The following EFHC1 variants were observed in gnomAD, a reference collection of about 807,000 sequenced individuals.
The protein encoded by EFHC1 is EF-hand domain-containing protein 1.
In EFHC1, 53 loss-of-function variants were observed where a neutral mutation model predicts 69.9. The observed-to-expected ratio is 0.76, with a 90% CI of 0.61 to 0.95. EFHC1 has a LOEUF of 0.95. Among genes scored for constraint, EFHC1 ranks in the 40% least tolerant of loss-of-function variants. The pLI is 0.00. For missense variants in EFHC1, 739 were observed against 798.7 expected (o/e 0.93, Z 0.90); for synonymous variants, 256 against 278.4 (o/e 0.92, Z 0.80).
intron 8 of EFHC1, 150 bp downstream of exon 8, chr6:52,479,400 A>C (rs1402305364): frequency 9.5e-7 from 1 of 1,055,244 alleles, no homozygotes; most frequent in African/African-American, 1.6e-5. Flanking sequence ...TAATGTGTTA[A>C]TCGCCTTCCT....
chr6:52,450,378 G>T (rs897808942), intron 3 of EFHC1, among the ~76,000 whole-genome samples: 3 of 152,182 alleles, frequency 2.0e-5, no homozygotes, highest in African/African-American at 4.8e-5. Context: ...CTGCCTCAAT[G>T]ATCTGTTTAA....
In EFHC1 at chr6:52,495,791, C is replaced by T. The variant is rs1178711585; in HGVS notation, c.*3450C>T. On this transcript the variant is annotated 3_prime_UTR_variant, in exon 11 of 11. Transcript: ENST00000371068. The stretch of plus-strand genomic sequence containing the variant: ...TGTCCACATACACTCCTTAAGTTTG[C>T]TGTCCACTTCTTGCCTTGCATCTCC... 8 of 354,978 alleles carry T rather than the reference C, an allele frequency of 2.3e-5. No homozygotes were observed. In the East Asian group the frequency reaches 5.9e-4, roughly 26 times the overall value. The allele number at this position is 354,978 out of a possible 1,614,324, so 22.0% of individuals were successfully genotyped here. A position where few individuals can be genotyped will look rare whatever the true frequency, so the allele number is the denominator to read the frequency against.
intron 6 of EFHC1, among the ~76,000 whole-genome samples, chr6:52,465,756 G>A (rs895401066): frequency 5.3e-5 from 8 of 150,768 alleles, no homozygotes; most frequent in African/African-American, 9.7e-5. Context: ...GCAGTGAGCC[G>A]AGATCATGCC....
intron 3 of EFHC1, among the ~76,000 whole-genome samples, chr6:52,442,969 CT>C (rs1308898501): frequency 1.3e-5 from 2 of 152,156 alleles, no homozygotes; most frequent in African/African-American, 4.8e-5. Flanking sequence ...TGTTTCCTGA[CT>C]TTTTAATGAT....
intron 9 of EFHC1, chr6:52,482,671 C>G: frequency 2.5e-6 from 1 of 395,690 alleles, no homozygotes; most frequent in Non-Finnish European, 4.4e-6. Context: ...CTTAGACTTC[C>G]TTTAATGAGA....
chr6:52,422,798 A>G (rs576197813), intron 1 of EFHC1, among the ~76,000 whole-genome samples: 1 of 152,340 alleles, frequency 6.6e-6, no homozygotes, highest in South Asian at 2.1e-4. Context: ...TTAGAAATGT[A>G]TAATACAGAG....
In EFHC1 at chr6:52,431,397, G is replaced by T. The variant is rs539095174; in HGVS notation, c.286-6907G>T. On this transcript the variant is annotated intron_variant, in intron 2 of 10. Transcript: ENST00000371068. ...TGTATCCCAGAGGCTTTGATAGGTT[G>T]TGTCATTATTGTCATTCAGTTCGAA... Among the ~76,000 whole-genome samples the T allele has an allele frequency of 1.7e-4, 26 of 152,144 alleles. 1 individual carries two copies. In the East Asian group the frequency reaches 3.5e-3, roughly 20 times the overall value.
At chr6:52,454,830 T>A (rs1411960298) in intron 5 of EFHC1, among the ~76,000 whole-genome samples, 1 of 152,038 alleles carries the variant, frequency 6.6e-6, no homozygotes, top group Non-Finnish European at 1.5e-5. Flanking sequence ...GATGGCTCAC[T>A]CCTGTAATCC....
At chr6:52,436,323 C>T (rs1427377698) in intron 2 of EFHC1, among the ~76,000 whole-genome samples, 1 of 152,166 alleles carries the variant, frequency 6.6e-6, no homozygotes, top group Non-Finnish European at 1.5e-5. Flanking sequence ...CACTTGTATG[C>T]ACTTGCCAGT....
At chr6:52,477,203 G>T (rs1360371236) in intron 7 of EFHC1, among the ~76,000 whole-genome samples, 4 of 151,760 alleles carry the variant, frequency 2.6e-5, no homozygotes, top group African/African-American at 9.7e-5. Flanking sequence ...GGAGTGATAT[G>T]ATTTGATTTT....
intron 2 of EFHC1, chr6:52,437,430 G>A (rs1438504214): frequency 6.6e-6 from 1 of 152,192 alleles, no homozygotes; most frequent in African/African-American, 2.4e-5. Flanking sequence ...TAAAGCAGAT[G>A]TCAGCAAACT....
At chr6:52,482,078 C>T (rs538761944) in intron 9 of EFHC1, 1 of 152,270 alleles carries the variant, frequency 6.6e-6, no homozygotes, top group South Asian at 2.1e-4. Context: ...CGCGGTGGCT[C>T]ATGCCTGTAA....
rs570387656 is a variant in EFHC1 at position 52,450,786 on chromosome 6, GTTTGTTTGTTTGT to G, written c.574-1885_574-1873del. On this transcript the variant is annotated intron_variant, in intron 3 of 10. Coordinates refer to ENST00000371068, the MANE Select transcript of EFHC1 (RefSeq NM_018100.4). ...TGTTATTCTGCATTGTGGTTTTTTT[GTTTGTTTGTTTGT>G]TTTGTTTGTTTGTTTTTGAGACAGA... is the stretch of plus-strand genomic sequence containing the variant. Among the ~76,000 whole-genome samples the G allele has an allele frequency of 6.5e-3, 986 of 151,726 alleles. 3 individuals are homozygous for G. The highest frequency in any genetic ancestry group is 0.031 in the Middle Eastern group (9 of 292).
At chr6:52,452,072 A>C (rs2113993408) in intron 3 of EFHC1, among the ~76,000 whole-genome samples, 1 of 152,328 alleles carries the variant, frequency 6.6e-6, no homozygotes, top group African/African-American at 2.4e-5. Flanking sequence ...CACCTAACTA[A>C]ATTTGATTGA....
Position 52,438,504 on chromosome 6 carries a change from T to C in EFHC1, c.486T>C (p.His162=), listed in dbSNP as rs758688257. 1.9e-6 allele frequency: 3 copies of C among 1,613,978 alleles called. No individual in the cohort carries two copies. The highest frequency in any genetic ancestry group is 1.7e-5 in the Admixed American group (1 of 59,974). Residue 162 remains histidine, a synonymous_variant, in exon 3 of 11, where the codon CAT becomes CAC. Coordinates refer to ENST00000371068, the MANE Select transcript of EFHC1 (RefSeq NM_018100.4). ...TAGCCAAGAATGACCGGGGTGACCA[T>C]TACCATTGGAAAGACCTAAATCGAG... is the stretch of plus-strand genomic sequence containing the variant. The part of the protein sequence containing the change: ...QRLAKNDRGD[H]YHWKDLNRGI...
At chr6:52,480,046 T>C (rs1765641315) in intron 9 of EFHC1, 1 of 622,458 alleles carries the variant, frequency 1.6e-6, no homozygotes, top group African/African-American at 1.8e-5. Context: ...CAGCTGAAAA[T>C]TCATGTATAA....
chr6:52,484,783 A>T (rs1765752253), intron 9 of EFHC1, among the ~76,000 whole-genome samples: 1 of 152,132 alleles, frequency 6.6e-6, no homozygotes, highest in Admixed American at 6.5e-5. Context: ...GTGGGTAGAT[A>T]TTGGGAGGCC....
intron 1 of EFHC1, chr6:52,423,682 T>G: frequency 1.8e-5 from 8 of 432,482 alleles, no homozygotes; most frequent in Admixed American, 8.6e-5. Flanking sequence ...TTTTTTTTTT[T>G]TTAGTTTTTG....
intron 3 of EFHC1, among the ~76,000 whole-genome samples, chr6:52,450,858 G>T (rs910494266): frequency 6.6e-6 from 1 of 152,126 alleles, no homozygotes; most frequent in African/African-American, 2.4e-5. Context: ...GCGTGCAGTG[G>T]CGTGCTCTCA....
Sources: gnomAD v4.1 joint callset for allele counts (sites outside exome capture counted in the v4.1 genomes callset) on GRCh38, gnomAD v4.1.1 for gene constraint, MANE v1.5 for transcripts, NCBI Gene and HGNC (gene_info 2026-07-23, HGNC 2026-07-21) for gene names.